The following FAT4 variants were observed in gnomAD, a reference collection of about 807,000 sequenced individuals.
FAT4 encodes protocadherin Fat 4.
A neutral mutation model predicts 303.9 loss-of-function variants in FAT4; 84 were observed. That is an observed-to-expected ratio of 0.28 (90% CI 0.23 to 0.33). The LOEUF is 0.33. FAT4 is among the 10% of genes least tolerant of loss of function. FAT4 has a pLI of 1.00. For missense variants in FAT4, 6,005 were observed against 6,146.8 expected (o/e 0.98, Z 0.77); for synonymous variants, 2,307 against 2,298.8 (o/e 1.00, Z -0.10).
chr4:125,371,453 A>C (rs1411738865), intron 2 of FAT4, among the ~76,000 whole-genome samples: 1 of 151,892 alleles, frequency 6.6e-6, no homozygotes, highest in African/African-American at 2.4e-5. Flanking sequence ...GTGGCCAGGG[A>C]TTGAGACATA....
At chr4:125,405,433 T>A (rs181198908) in intron 3 of FAT4, among the ~76,000 whole-genome samples, 1 of 152,248 alleles carries the variant, frequency 6.6e-6, no homozygotes, top group East Asian at 1.9e-4. Flanking sequence ...TGCCAACAGG[T>A]GTGAGGTGAT....
At chr4:125,375,248 G>A (rs1158340357) in intron 2 of FAT4, among the ~76,000 whole-genome samples, 1 of 152,138 alleles carries the variant, frequency 6.6e-6, no homozygotes, top group Non-Finnish European at 1.5e-5. Flanking sequence ...TTGTAAGTAA[G>A]AATAGCAAGA....
Position 125,491,391 on chromosome 4 carries a change from A to AG in FAT4, c.14578dup (p.Glu4860GlyfsTer18). On this transcript the variant is annotated frameshift_variant, in exon 18 of 18. Coordinates refer to ENST00000394329, the MANE Select transcript of FAT4 (RefSeq NM_001291303.3). LOFTEE classifies it high-confidence loss of function. ...CACTTGCTCAGAAATGGAATATGAC[A>AG]GGGAGAAGCCAATGGTATATACTTC... 1 of 1,614,172 alleles carries AG rather than the reference A, an allele frequency of 6.2e-7. No homozygotes were observed. The highest frequency in any genetic ancestry group is 8.5e-7 in the Non-Finnish European group (1 of 1,179,990).
intron 8 of FAT4, 125 bp from the exon 9 acceptor site, chr4:125,446,168 A>G (rs1039529816): frequency 3.8e-6 from 3 of 787,276 alleles, no homozygotes; most frequent in African/African-American, 3.5e-5. Flanking sequence ...ATTCTTTCCA[A>G]CATTGTTGTA....
chr4:125,460,555 G>T (rs1305635897), intron 10 of FAT4, among the ~76,000 whole-genome samples: 3 of 151,958 alleles, frequency 2.0e-5, no homozygotes, highest in Non-Finnish European at 2.9e-5. Flanking sequence ...CTGTTCCTAT[G>T]TTAGTTTGCT....
At chr4:125,472,459 G>C (rs1000670585) in intron 12 of FAT4, among the ~76,000 whole-genome samples, 1 of 151,922 alleles carries the variant, frequency 6.6e-6, no homozygotes, top group Non-Finnish European at 1.5e-5. Context: ...CCTATGACAC[G>C]TAGTTAATTT....
chr4:125,471,684 G>C (rs1398425643), intron 12 of FAT4, among the ~76,000 whole-genome samples: 2 of 151,594 alleles, frequency 1.3e-5, no homozygotes, highest in Admixed American at 6.6e-5. Context: ...CAGCTATCAA[G>C]GATTTTTAAT....
intron 2 of FAT4, among the ~76,000 whole-genome samples, chr4:125,346,869 C>CA (rs1464485043): frequency 6.6e-6 from 1 of 152,020 alleles, no homozygotes; most frequent in African/African-American, 2.4e-5. Context: ...AGATTTAAAA[C>CA]AAAGCTGTGA....
At chr4:125,416,422 A>T in intron 6 of FAT4, 26 bp from the exon 7 acceptor site, 1 of 1,555,504 alleles carries the variant, frequency 6.4e-7, no homozygotes, top group Non-Finnish European at 8.7e-7. Flanking sequence ...TGTTTTACTC[A>T]CATCTTGGTA....
In FAT4 at chr4:125,415,570, C is replaced by G; in HGVS notation, c.6607C>G (p.Arg2203Gly). ...IVNGNTNQEF[R>G]IDSVTGAITV... Reference sequence around the variant, plus strand: ...TAATGGTAATACCAATCAGGAATTTCGGATAGACTCTGTCACAGGTGCCAT... The same window carrying G: ...TAATGGTAATACCAATCAGGAATTTGGGATAGACTCTGTCACAGGTGCCAT... Residue 2203 changes from arginine (R) to glycine (G), a missense_variant, in exon 6 of 18, where the codon CGG becomes GGG. Transcript: ENST00000394329. 1 of 1,614,022 alleles carries G rather than the reference C, an allele frequency of 6.2e-7. No homozygotes were observed. Among genetic ancestry groups the G allele is most frequent in the Non-Finnish European group, 8.5e-7 (1 of 1,179,962 alleles).
chr4:125,405,157 G>T (rs977131199), intron 3 of FAT4, among the ~76,000 whole-genome samples: 1 of 152,172 alleles, frequency 6.6e-6, no homozygotes, highest in South Asian at 2.1e-4. Flanking sequence ...TTTTGGATTA[G>T]TTTTGATTAG....
intron 7 of FAT4, 44 bp downstream of exon 7, chr4:125,416,666 C>A: frequency 6.3e-7 from 1 of 1,593,756 alleles, no homozygotes; most frequent in Non-Finnish European, 8.6e-7. Context: ...AATTTCTAGG[C>A]CAGGCACGGT....
chr4:125,388,843 G>A (rs541846690), intron 2 of FAT4, among the ~76,000 whole-genome samples: 152 of 152,240 alleles, frequency 1.0e-3, no homozygotes, highest in Non-Finnish European at 1.9e-3. Context: ...TTAACTATGT[G>A]TTATCCACGC....
At chr4:125,364,948 G>A (rs1472377264) in intron 2 of FAT4, among the ~76,000 whole-genome samples, 1 of 152,128 alleles carries the variant, frequency 6.6e-6, no homozygotes, top group Non-Finnish European at 1.5e-5. Context: ...GGGCATTGCG[G>A]ATTTAGAAAT....
intron 12 of FAT4, among the ~76,000 whole-genome samples, chr4:125,473,470 A>G (rs1033470245): frequency 2.6e-5 from 4 of 152,130 alleles, no homozygotes; most frequent in African/African-American, 9.6e-5. Context: ...GATTTAATCA[A>G]TTCTAGTATT....
intron 8 of FAT4, among the ~76,000 whole-genome samples, chr4:125,440,608 T>TGAGAGAGAGAGAGAGA (rs766978076): frequency 2.6e-3 from 150 of 57,278 alleles, no homozygotes; most frequent in South Asian, 0.015. Flanking sequence ...TGTGTGTGTG[T>TGAGAGAGAGAGAGAGA]GTGAGAGAGA....
chr4:125,373,120 A>G (rs1245062977), intron 2 of FAT4, among the ~76,000 whole-genome samples: 2 of 152,180 alleles, frequency 1.3e-5, no homozygotes, highest in East Asian at 3.8e-4. Context: ...TGAATCATTG[A>G]ACTCCTTTCT....
At chr4:125,473,374 AT>A (rs1726926493) in intron 12 of FAT4, among the ~76,000 whole-genome samples, 1 of 152,112 alleles carries the variant, frequency 6.6e-6, no homozygotes, top group Admixed American at 6.5e-5. Flanking sequence ...CAAATCTTGG[AT>A]AAAATATATT....
chr4:125,368,530 AT>A (rs1014139194), intron 2 of FAT4, among the ~76,000 whole-genome samples: 34 of 147,132 alleles, frequency 2.3e-4, no homozygotes, highest in Non-Finnish European at 4.0e-4. Context: ...ATGTATATAT[AT>A]ATATATATAA....
Sources: allele counts gnomAD v4.1 joint callset (sites outside exome capture counted in the v4.1 genomes callset), GRCh38; gene constraint gnomAD v4.1.1; transcripts MANE v1.5; gene names NCBI Gene and HGNC (gene_info 2026-07-23, HGNC 2026-07-21).